Variants in CAPN11 observed in about 807,000 individuals in gnomAD.
The protein encoded by CAPN11 is calpain-11.
Under a neutral mutation model 105.3 loss-of-function variants are expected in CAPN11, and 108 were observed. The ratio of observed to expected loss-of-function variants is 1.03; its 90% CI spans 0.88 to 1.20. CAPN11 has a LOEUF of 1.20. Ranked by LOEUF, CAPN11 falls within the 50% of genes most tolerant of loss-of-function variation. The probability of loss-of-function intolerance (pLI) is 0.00; values close to 1 mark genes in which losing one functional copy is unlikely to be tolerated. For missense variants in CAPN11, 883 were observed against 924.8 expected (o/e 0.95, Z 0.59); for synonymous variants, 329 against 344.5 (o/e 0.96, Z 0.50).
intron 9 of CAPN11, 81 bp from the exon 10 acceptor site, chr6:44,176,500 G>T: frequency 1.4e-6 from 2 of 1,403,948 alleles, no homozygotes; most frequent in South Asian, 2.3e-5. Context: ...CAGACATTCA[G>T]GGAAGAGGCA....
intron 4 of CAPN11, among the ~76,000 whole-genome samples, chr6:44,172,031 A>C (rs1239575279): frequency 1.3e-5 from 2 of 152,136 alleles, no homozygotes; most frequent in Non-Finnish European, 2.9e-5. Context: ...ATGCTATTGC[A>C]CTCCAGCCTG....
At chr6:44,162,071 A>G in intron 1 of CAPN11, 1 of 361,604 alleles carries the variant, frequency 2.8e-6, no homozygotes, top group South Asian at 2.0e-5. Context: ...CCCAGTTATG[A>G]CAACCAACAC....
chr6:44,172,536 G>T, intron 5 of CAPN11, 116 bp downstream of exon 5: 2 of 670,684 alleles, frequency 3.0e-6, no homozygotes, highest in East Asian at 5.7e-5. Context: ...GGTGGGTTTT[G>T]GACTAATTAT....
Position 44,166,814 on chromosome 6 carries a change from C to T in CAPN11, c.73C>T (p.Arg25Trp), listed in dbSNP as rs544766080. Residue 25 changes from arginine (R) to tryptophan (W), a missense_variant, in exon 2 of 23, where the codon CGG becomes TGG. Arg to Trp is a moderately radical substitution (Grantham distance 101, BLOSUM62 -3). Transcript: ENST00000398776. ...SLDGSQEDKP[R>W]GSCAEPTFTD... ...GGATGGATCACAGGAGGATAAGCCT[C>T]GGGGCTCATGTGCGGGTAGGACTGC... The T allele has an allele frequency of 3.0e-5, 46 of 1,551,766 alleles. 1 individual carries two copies. The South Asian group carries it at 3.1e-4, about 10-fold the overall frequency.
chr6:44,181,828 A>ACT (rs1357704593), intron 19 of CAPN11, among the ~76,000 whole-genome samples: 48 of 65,928 alleles, frequency 7.3e-4, no homozygotes, highest in East Asian at 1.4e-3. Context: ...ACCACACCAC[A>ACT]CACACACACA....
chr6:44,173,418 T>C (rs755061307), intron 7 of CAPN11, 32 bp downstream of exon 7: 13 of 1,426,158 alleles, frequency 9.1e-6, no homozygotes, highest in Non-Finnish European at 1.3e-5. Flanking sequence ...CTCAGGGCCT[T>C]TGCACCTGCT....
rs1196668435 is a variant in CAPN11, at chr6:44,179,588, G to A, written c.1417-31G>A. Reference sequence around the variant, plus strand: ...GCCTGAGGCCCTTCACCACCCTAGAGATCTGACTCTCCTCTTTCTTCCCTT... The same window carrying A: ...GCCTGAGGCCCTTCACCACCCTAGAAATCTGACTCTCCTCTTTCTTCCCTT... On this transcript the variant is annotated intron_variant, in intron 12 of 22. Coordinates refer to ENST00000398776, the MANE Select transcript of CAPN11 (RefSeq NM_007058.4). The A allele has an allele frequency of 2.5e-6, 4 of 1,609,730 alleles. No individual in the cohort carries two copies. In the African/African-American group the frequency reaches 4.0e-5, roughly 16 times the overall value.
rs766998735 is a variant in CAPN11 at position 44,176,898 on chromosome 6, T to G, written c.1137T>G (p.Pro379=). The G allele has an allele frequency of 1.9e-6, 3 of 1,613,818 alleles. No individual in the cohort carries two copies. In the East Asian group the frequency reaches 6.7e-5, roughly 36 times the overall value. The change falls in exon 11 of 23, where the codon CCT becomes CCG. Residue 379 remains proline, a synonymous_variant. Coordinates refer to ENST00000398776, the MANE Select transcript of CAPN11 (RefSeq NM_007058.4). ...TCCTGGAGATCTGCAACCTCACGCC[T>G]GATACACTCTCTGGGGACTACAAGA... is the stretch of plus-strand genomic sequence containing the variant. ...FTLLEICNLT[P]DTLSGDYKSY...
chr6:44,169,663 A>G, intron 3 of CAPN11, 132 bp downstream of exon 3: 2 of 1,033,758 alleles, frequency 1.9e-6, no homozygotes, highest in Non-Finnish European at 2.8e-6. Context: ...CCCCACCTTC[A>G]TCAGAGCTGG....
At chr6:44,163,190 TCAG>T (rs1769211488) in intron 1 of CAPN11, among the ~76,000 whole-genome samples, 1 of 152,138 alleles carries the variant, frequency 6.6e-6, no homozygotes, top group Non-Finnish European at 1.5e-5. Flanking sequence ...AAACCAAGGC[TCAG>T]GGAGGTCAAA....
At position 44,170,021 on chromosome 6, in the gene CAPN11, G is replaced by A. The variant is rs761988787; in HGVS notation, c.409+46G>A. The A allele has an allele frequency of 4.9e-5, 72 of 1,471,874 alleles. No individual in the cohort carries two copies. In the South Asian group the frequency reaches 8.3e-4, roughly 17 times the overall value. The allele number at this position is 1,471,874 out of a possible 1,614,324, so 91.2% of individuals were successfully genotyped here. On this transcript the variant is annotated intron_variant, in intron 4 of 22. Coordinates refer to ENST00000398776, the MANE Select transcript of CAPN11 (RefSeq NM_007058.4). The stretch of plus-strand genomic sequence containing the variant: ...TGGTCTCCACCTGGGCAAGAGGATT[G>A]GGGGAGGGGTGCCAGGGTGTCTTTT...
At chr6:44,164,824 T>A (rs528327088) in intron 1 of CAPN11, among the ~76,000 whole-genome samples, 3 of 152,128 alleles carry the variant, frequency 2.0e-5, no homozygotes, top group Non-Finnish European at 4.4e-5. Flanking sequence ...ACATCTAAAG[T>A]ACTGGGGAGG....
chr6:44,177,495 T>TCTTTC (rs201532510), intron 12 of CAPN11, 75 bp downstream of exon 12: 10 of 1,230,024 alleles, frequency 8.1e-6, no homozygotes, highest in South Asian at 1.5e-5. Flanking sequence ...TTTCTTTCTT[T>TCTTTC]TTTTTTTTTC....
chr6:44,183,079 C>T, intron 20 of CAPN11, 40 bp from the exon 21 acceptor site: 1 of 1,595,548 alleles, frequency 6.3e-7, no homozygotes, highest in Non-Finnish European at 8.6e-7. Context: ...GTCCAGAGGC[C>T]CAGACTTTTC....
chr6:44,173,098 G>C (rs1444973203), intron 6 of CAPN11, 25 bp downstream of exon 6: 1 of 1,610,828 alleles, frequency 6.2e-7, no homozygotes, highest in Non-Finnish European at 8.5e-7. Context: ...CTGAGGAAGG[G>C]GGCTTGCCTT....
chr6:44,181,515 TACAG>T (rs1561854105), intron 19 of CAPN11, among the ~76,000 whole-genome samples, 195 bp downstream of exon 19: 10 of 15,268 alleles, frequency 6.5e-4, no homozygotes, highest in Admixed American at 1.6e-3. Context: ...CACACTCACA[TACAG>T]ACACAACCAC....
rs1212907582 is a variant in CAPN11 at position 44,176,580 on chromosome 6, G to A, written c.1002-1G>A. On this transcript the variant is annotated splice_acceptor_variant, in intron 9 of 22. Transcript: ENST00000398776. LOFTEE classifies it high-confidence loss of function. The stretch of plus-strand genomic sequence containing the variant: ...CCTTCCACCGCCCATCTCTGCTCCA[G>A]TGCCAGGGAGTGGGAAGAGGTGGCC... The A allele has an allele frequency of 3.1e-6, 5 of 1,612,172 alleles. No homozygotes were observed. Among genetic ancestry groups the A allele is most frequent in the Non-Finnish European group, 4.2e-6 (5 of 1,178,752 alleles).
intron 22 of CAPN11, 69 bp downstream of exon 22, chr6:44,183,832 C>CCCCCCAGA: frequency 6.3e-7 from 1 of 1,577,636 alleles, no homozygotes; most frequent in Non-Finnish European, 8.6e-7. Flanking sequence ...CACCCCCACC[C>CCCCCCAGA]AGCTCTGATG....
intron 13 of CAPN11, 105 bp downstream of exon 13, chr6:44,179,735 G>T: frequency 8.0e-7 from 1 of 1,243,304 alleles, no homozygotes; most frequent in South Asian, 1.2e-5. Context: ...GGCTCTGGGG[G>T]TCACTGGGTT....
Sources: allele counts gnomAD v4.1 joint callset (sites outside exome capture counted in the v4.1 genomes callset), GRCh38; gene constraint gnomAD v4.1.1; transcripts MANE v1.5; gene names NCBI Gene and HGNC (gene_info 2026-07-23, HGNC 2026-07-21).